The following DPP6 variants were observed in gnomAD, a reference collection of about 807,000 sequenced individuals.
The protein encoded by DPP6 is dipeptidyl peptidase like 6.
Under a neutral mutation model 122.6 loss-of-function variants are expected in DPP6, and 69 were observed. That is an observed-to-expected ratio of 0.56 (90% CI 0.46 to 0.69). The LOEUF is 0.69. Ranked by LOEUF, DPP6 falls within the 30% of genes least tolerant of loss-of-function variation. The pLI is 0.00. For missense variants in DPP6, 928 were observed against 1,116.9 expected (o/e 0.83, Z 2.41); for synonymous variants, 418 against 433.1 (o/e 0.97, Z 0.43).
chr7:154,489,198 T>C (rs1824058465), intron 3 of DPP6, among the ~76,000 whole-genome samples: 1 of 152,202 alleles, frequency 6.6e-6, no homozygotes, highest in African/African-American at 2.4e-5. Flanking sequence ...AACTTTTCCG[T>C]AGCCCCCATT....
intron 1 of DPP6, among the ~76,000 whole-genome samples, chr7:153,996,255 A>G (rs886609789): frequency 6.6e-6 from 1 of 152,244 alleles, no homozygotes; most frequent in African/African-American, 2.4e-5. Flanking sequence ...TGGCTTGAAA[A>G]GATACAAATT....
At chr7:153,773,582 C>T in the DPP6 span, among the ~76,000 whole-genome samples, 8 of 149,222 alleles carry the variant, frequency 5.4e-5, no homozygotes, top group African/African-American at 9.8e-5. Flanking sequence ...TTCCTAAATA[C>T]TTGGAAATTA....
intron 3 of DPP6, among the ~76,000 whole-genome samples, chr7:154,515,954 A>G (rs562791040): frequency 1.3e-5 from 2 of 152,292 alleles, no homozygotes; most frequent in South Asian, 4.2e-4. Flanking sequence ...AATACAATCT[A>G]TTCATTGAAA....
chr7:154,184,169 C>T (rs1209930905), intron 1 of DPP6, among the ~76,000 whole-genome samples: 3 of 151,444 alleles, frequency 2.0e-5, no homozygotes, highest in South Asian at 2.1e-4. Flanking sequence ...CAGCATCAGG[C>T]AATGATTTTG....
At chr7:154,167,430 G>C (rs1257417123) in intron 1 of DPP6, among the ~76,000 whole-genome samples, 1 of 152,248 alleles carries the variant, frequency 6.6e-6, no homozygotes, top group African/African-American at 2.4e-5. Flanking sequence ...TTCAGAATAT[G>C]TTAAGTTTCT....
At chr7:154,607,422 A>G (rs951363964) in intron 5 of DPP6, among the ~76,000 whole-genome samples, 1 of 116,160 alleles carries the variant, frequency 8.6e-6, no homozygotes, top group Non-Finnish European at 1.9e-5. Flanking sequence ...TTAGCTGGGC[A>G]TGGCGGCGGG....
At chr7:154,811,877 C>G (rs946114107) in intron 16 of DPP6, among the ~76,000 whole-genome samples, 2 of 152,156 alleles carry the variant, frequency 1.3e-5, no homozygotes, top group African/African-American at 4.8e-5. Flanking sequence ...TCTTCTCCTT[C>G]CCTCCTCCTG....
chr7:154,678,561 C>A (rs1839076346), intron 7 of DPP6, among the ~76,000 whole-genome samples: 1 of 152,078 alleles, frequency 6.6e-6, no homozygotes, highest in African/African-American at 2.4e-5. Context: ...GGAAGAAATT[C>A]CGGACACAGC....
the DPP6 span, among the ~76,000 whole-genome samples, chr7:153,837,259 G>GT: frequency 0.079 from 12,021 of 151,326 alleles, 1,368 homozygotes; most frequent in African/African-American, 0.26. Flanking sequence ...CTAAAAATGT[G>GT]TTTTTTTTTG....
intron 3 of DPP6, among the ~76,000 whole-genome samples, chr7:154,530,717 A>C (rs1827775810): frequency 6.6e-6 from 1 of 152,220 alleles, no homozygotes; most frequent in Non-Finnish European, 1.5e-5. Context: ...CACTGTTCGC[A>C]ATAGCAAAGA....
intron 7 of DPP6, among the ~76,000 whole-genome samples, chr7:154,704,753 A>C (rs1840731797): frequency 6.6e-6 from 1 of 152,232 alleles, no homozygotes; most frequent in Non-Finnish European, 1.5e-5. Flanking sequence ...CACAGTTACT[A>C]ATCTACAGCA....
intron 3 of DPP6, among the ~76,000 whole-genome samples, chr7:154,480,398 C>A (rs1160666618): frequency 1.3e-5 from 2 of 152,186 alleles, no homozygotes; most frequent in African/African-American, 4.8e-5. Flanking sequence ...CAGAGATGAC[C>A]TCCAGGTTGC....
chr7:154,766,498 G>C (rs907821048), intron 8 of DPP6, among the ~76,000 whole-genome samples: 77 of 152,008 alleles, frequency 5.1e-4, no homozygotes, highest in Admixed American at 2.0e-4. Context: ...GTACAGACAG[G>C]GTTTCACCGT....
At chr7:154,759,063 A>G (rs1795340831) in intron 8 of DPP6, among the ~76,000 whole-genome samples, 1 of 152,194 alleles carries the variant, frequency 6.6e-6, no homozygotes, top group South Asian at 2.1e-4. Flanking sequence ...TCTTTAGAAA[A>G]AGGACAGAAG....
intron 22 of DPP6, among the ~76,000 whole-genome samples, chr7:154,887,405 CTTAA>C (rs1301333844): frequency 9.2e-5 from 14 of 152,196 alleles, no homozygotes; most frequent in African/African-American, 2.7e-4. Context: ...CTGGGTTTTG[CTTAA>C]TTAAGGTTCT....
intron 4 of DPP6, among the ~76,000 whole-genome samples, chr7:154,557,152 C>T (rs1319776616): frequency 1.3e-5 from 2 of 152,198 alleles, no homozygotes; most frequent in African/African-American, 4.8e-5. Flanking sequence ...CCATCGGGGG[C>T]ATCCAAGCTT....
intron 4 of DPP6, among the ~76,000 whole-genome samples, chr7:154,555,091 G>T (rs1829919456): frequency 1.3e-5 from 2 of 151,928 alleles, no homozygotes. Context: ...TTATAGCCAG[G>T]TATCAGGCAA....
At chr7:153,748,565 C>T in the DPP6 span, among the ~76,000 whole-genome samples, 1 of 72,216 alleles carries the variant, frequency 1.4e-5, no homozygotes, top group South Asian at 5.7e-4. Flanking sequence ...AGGAAAGAGC[C>T]TAGTCCTGCG....
the DPP6 span, among the ~76,000 whole-genome samples, chr7:153,802,498 C>A: frequency 6.6e-6 from 1 of 152,030 alleles, no homozygotes; most frequent in Non-Finnish European, 1.5e-5. Flanking sequence ...AAGAAACAAA[C>A]AAAATATTGG....
Sources: gnomAD v4.1 joint callset for allele counts (sites outside exome capture counted in the v4.1 genomes callset) on GRCh38, gnomAD v4.1.1 for gene constraint, MANE v1.5 for transcripts, NCBI Gene and HGNC (gene_info 2026-07-23, HGNC 2026-07-21) for gene names.